GATA3: variants seen among roughly 807,000 people sequenced by gnomAD.
GATA3 encodes trans-acting T-cell-specific transcription factor GATA-3.
GATA3 carries 6 observed loss-of-function variants against 36.0 expected under a neutral mutation model. That is an observed-to-expected ratio of 0.17 (90% CI 0.09 to 0.33). GATA3 has a LOEUF of 0.33. GATA3 is among the 10% of genes least tolerant of loss of function. GATA3 has a pLI of 1.00. For missense variants in GATA3, 514 were observed against 610.1 expected (o/e 0.84, Z 1.66); for synonymous variants, 326 against 273.0 (o/e 1.19, Z -1.92).
In GATA3 at chr10:8,074,704, G is replaced by T. The variant is rs1832987337; in HGVS notation, c.*681G>T. Reference sequence around the variant, plus strand: ...GAACAAGTCCCTGTAATTGTTGTTTGTATGTATAATTCAAAGCACCAAAAT... The same window carrying T: ...GAACAAGTCCCTGTAATTGTTGTTTTTATGTATAATTCAAAGCACCAAAAT... On this transcript the variant is annotated 3_prime_UTR_variant, in exon 6 of 6. Coordinates refer to ENST00000379328, the MANE Select transcript of GATA3 (RefSeq NM_001002295.2). The T allele has an allele frequency of 8.6e-6, 2 of 233,476 alleles. No homozygotes were observed. The highest frequency in any genetic ancestry group is 1.1e-4 in the Admixed American group (2 of 17,770). 14.5% of individuals were successfully genotyped at this position (233,476 alleles called of 1,614,324 possible).
At chr10:8,063,858 G>A in intron 3 of GATA3, 135 bp from the exon 4 acceptor site, 4 of 1,166,616 alleles carry the variant, frequency 3.4e-6, no homozygotes, top group Non-Finnish European at 5.0e-6. Context: ...AGAGGTGGGG[G>A]TGGACACGCT....
upstream of GATA3, among the ~76,000 whole-genome samples, chr10:8,049,106 AG>A (rs1038801259): frequency 4.7e-5 from 6 of 126,648 alleles, no homozygotes; most frequent in African/African-American, 1.3e-4. Flanking sequence ...AGAAAAAAAA[AG>A]AAAAAAGAAA....
chr10:8,065,285 T>C (rs1489368806), intron 4 of GATA3, among the ~76,000 whole-genome samples: 1 of 120,698 alleles, frequency 8.3e-6, no homozygotes, highest in Non-Finnish European at 1.6e-5. Context: ...TGAGACAGAG[T>C]CTCACTCTGT....
intron 4 of GATA3, among the ~76,000 whole-genome samples, chr10:8,064,689 C>T (rs929780741): frequency 6.6e-6 from 1 of 152,214 alleles, no homozygotes; most frequent in Admixed American, 6.5e-5. Flanking sequence ...AGAGGCTTCA[C>T]CAGCAACCAG....
rs1347107154 is a variant in GATA3 at position 8,058,859 on chromosome 10, C to G, written c.778+18C>G. On this transcript the variant is annotated intron_variant, in intron 3 of 5. Transcript: ENST00000379328. ...CAGCACAGGTAGGAGCCAGCTCTTC[C>G]CTGGAGCCTTTTCTCCTCCCTCCTC... is the stretch of plus-strand genomic sequence containing the variant. 1 of 1,600,034 alleles carries G rather than the reference C, an allele frequency of 6.2e-7. No individual in the cohort carries two copies. Among genetic ancestry groups the G allele is most frequent in the Middle Eastern group, 1.7e-4 (1 of 6,056 alleles).
At chr10:8,069,353 T>G in intron 4 of GATA3, 120 bp from the exon 5 acceptor site, 1 of 1,081,568 alleles carries the variant, frequency 9.2e-7, no homozygotes, top group Non-Finnish European at 1.4e-6. Flanking sequence ...CACTTGCTAG[T>G]TTTGATTTCA....
intron 3 of GATA3, among the ~76,000 whole-genome samples, chr10:8,063,294 G>T (rs186192459): frequency 4.6e-4 from 70 of 152,150 alleles, no homozygotes; most frequent in African/African-American, 1.6e-3. Flanking sequence ...CCCCCTGGCT[G>T]GGGTCATACT....
upstream of GATA3, chr10:8,050,462 C>A (rs940236144): frequency 6.5e-6 from 1 of 152,846 alleles, no homozygotes; most frequent in Non-Finnish European, 1.5e-5. Flanking sequence ...CGCTTCACAC[C>A]GTTTTTATTG....
chr10:8,075,131 T>C lies in GATA3; in HGVS notation c.*1108T>C. 1 of 232,670 alleles carries C rather than the reference T, an allele frequency of 4.3e-6. No individual in the cohort carries two copies. The highest frequency in any genetic ancestry group is 8.5e-6 in the Non-Finnish European group (1 of 117,630). The allele number at this position is 232,670 out of a possible 1,614,324, so 14.4% of individuals were successfully genotyped here. A position where few individuals can be genotyped will look rare whatever the true frequency, so the allele number is the denominator to read the frequency against. On this transcript the variant is annotated 3_prime_UTR_variant, in exon 6 of 6. Coordinates refer to ENST00000379328, the MANE Select transcript of GATA3 (RefSeq NM_001002295.2). ...TGTCGTGTTCTGTGTTAGTGATCAC[T>C]GCCTTTAATACAGTCTGTTGGAATA... is the stretch of plus-strand genomic sequence containing the variant.
intron 1 of GATA3, chr10:8,045,578 G>A (rs1248444564): frequency 6.6e-6 from 1 of 152,304 alleles, no homozygotes; most frequent in Non-Finnish European, 1.5e-5. Context: ...TCCACGTGGA[G>A]AGAATTAGGA....
At chr10:8,046,229 C>G (rs1286604227) in intron 1 of GATA3, among the ~76,000 whole-genome samples, 1 of 152,178 alleles carries the variant, frequency 6.6e-6, no homozygotes, top group Admixed American at 6.5e-5. Flanking sequence ...AGGCAGTTCC[C>G]CCCTGAAGAC....
chr10:8,050,938 C>T (rs1832471589), upstream of GATA3: 1 of 470,126 alleles, frequency 2.1e-6, no homozygotes, highest in Non-Finnish European at 4.4e-6. Context: ...GGGGCCGCTT[C>T]TCCCGGCACC....
At chr10:8,046,543 G>A (rs113680208) in intron 1 of GATA3, among the ~76,000 whole-genome samples, 10 of 152,104 alleles carry the variant, frequency 6.6e-5, no homozygotes, top group Non-Finnish European at 1.0e-4. Flanking sequence ...GGCTGCTGCC[G>A]AGAAGGTAGT....
intron 3 of GATA3, among the ~76,000 whole-genome samples, chr10:8,062,378 A>G (rs11255504): frequency 1.4e-5 from 2 of 147,566 alleles, no homozygotes; most frequent in African/African-American, 5.0e-5. Context: ...TTTTTTTTTT[A>G]AAAAACAAAG....
chr10:8,060,693 C>A (rs760515675), intron 3 of GATA3, among the ~76,000 whole-genome samples: 1 of 151,948 alleles, frequency 6.6e-6, no homozygotes, highest in Non-Finnish European at 1.5e-5. Flanking sequence ...TTGATTTCTC[C>A]CCCTCTTGTG....
chr10:8,047,303 AG>A (rs1832403626), intron 1 of GATA3, among the ~76,000 whole-genome samples: 1 of 152,200 alleles, frequency 6.6e-6, no homozygotes, highest in South Asian at 2.1e-4. Context: ...AGGAGGTGGC[AG>A]GGAATTAGGG....
upstream of GATA3, chr10:8,050,912 C>A (rs772019849): frequency 2.1e-6 from 1 of 475,908 alleles, no homozygotes. Context: ...CCAGGTCGGG[C>A]AGCGCGCGGG....
intron 1 of GATA3, among the ~76,000 whole-genome samples, chr10:8,048,270 G>A (rs572926380): frequency 6.6e-6 from 1 of 152,320 alleles, no homozygotes; most frequent in East Asian, 1.9e-4. Flanking sequence ...GGGTGACCAG[G>A]CCGGGGGAGT....
chr10:8,058,511 C>G lies in GATA3; in HGVS notation c.448C>G (p.Leu150Val). 6.2e-7 allele frequency: 1 copy of G among 1,612,374 alleles called. No homozygotes were observed. Reference protein sequence around the residue: ...SLSGGHASPHLFTFPPTPPKD... With the variant: ...SLSGGHASPHVFTFPPTPPKD... ...GTCGGGGGGCCACGCCAGCCCGCAC[C>G]TCTTCACCTTCCCGCCCACCCCGCC... Residue 150 changes from leucine to valine, a missense_variant, in exon 3 of 6, where the codon CTC becomes GTC. This residue lies in a region of GATA3 where 381 missense variants were observed against 354.3 expected (regional missense o/e 1.08). Coordinates refer to ENST00000379328, the MANE Select transcript of GATA3 (RefSeq NM_001002295.2).
Sources: allele counts gnomAD v4.1 joint callset (sites outside exome capture counted in the v4.1 genomes callset), GRCh38; gene constraint gnomAD v4.1.1; regional missense constraint gnomAD v4.1.1; transcripts MANE v1.5; gene names NCBI Gene and HGNC (gene_info 2026-07-23, HGNC 2026-07-21).